The following CASK variants were observed in gnomAD, a reference collection of about 807,000 sequenced individuals.
CASK encodes calcium/calmodulin dependent serine protein kinase.
CASK carries 4 observed loss-of-function variants against 82.9 expected under a neutral mutation model. That is an observed-to-expected ratio of 0.05 (90% CI 0.02 to 0.11). The LOEUF (loss-of-function observed/expected upper bound fraction) is 0.11. Ranked by LOEUF, CASK falls within the 10% of genes least tolerant of loss-of-function variation. The pLI, the probability that CASK is intolerant of heterozygous loss-of-function variation, is 1.00. For synonymous variants in CASK, 259 were observed against 253.5 expected (o/e 1.02, Z -0.20); for missense variants, 358 against 720.9 (o/e 0.50, Z 5.76).
intron 1 of CASK, among the ~76,000 whole-genome samples, chrX:41,901,488 GAAA>G (rs777860030): frequency 1.2e-5 from 1 of 82,272 alleles, no homozygotes; most frequent in African/African-American, 4.5e-5. Context: ...CCCTGTCTCA[GAAA>G]AAAAAAAAAA....
chrX:41,855,907 T>C (rs1172319773), intron 1 of CASK, among the ~76,000 whole-genome samples: 12 of 112,525 alleles, frequency 1.1e-4, no homozygotes, highest in Non-Finnish European at 1.9e-5. Flanking sequence ...AACAAGGTTC[T>C]ACTTGAGGCA....
chrX:41,621,934 A>T (rs1389705601), intron 11 of CASK, among the ~76,000 whole-genome samples: 1 of 111,835 alleles, frequency 8.9e-6, no homozygotes, highest in Admixed American at 9.5e-5. Flanking sequence ...CCCATTGGTA[A>T]CATTTTACAA....
At chrX:41,658,936 A>G (rs1011596071) in intron 8 of CASK, among the ~76,000 whole-genome samples, 1 of 111,227 alleles carries the variant, frequency 9.0e-6, no homozygotes, top group Non-Finnish European at 1.9e-5. Context: ...AGTCTATACA[A>G]CTCTTTTCAG....
At chrX:41,711,977 T>A (rs1038738825) in intron 5 of CASK, among the ~76,000 whole-genome samples, 1 of 112,711 alleles carries the variant, frequency 8.9e-6, no homozygotes, top group Non-Finnish European at 1.9e-5. Context: ...GCTTGGGAAC[T>A]GCTGAACGCA....
chrX:41,637,646 T>C (rs1265203763), intron 8 of CASK, among the ~76,000 whole-genome samples: 1 of 107,133 alleles, frequency 9.3e-6, no homozygotes, highest in Non-Finnish European at 1.9e-5. Context: ...CCCCATTATT[T>C]ATTTATATAT....
chrX:41,838,113 A>C (rs2070961739), intron 2 of CASK, among the ~76,000 whole-genome samples: 1 of 111,902 alleles, frequency 8.9e-6, no homozygotes, highest in African/African-American at 3.3e-5. Flanking sequence ...TCAGCCTGTG[A>C]AAGTGGTGGA....
intron 3 of CASK, among the ~76,000 whole-genome samples, chrX:41,772,715 A>G (rs2069268354): frequency 9.0e-6 from 1 of 111,728 alleles, no homozygotes; most frequent in Non-Finnish European, 1.9e-5. Flanking sequence ...AGAGAACAAT[A>G]GAGGCCAGGT....
chrX:41,863,830 C>T (rs1272372092), intron 1 of CASK, among the ~76,000 whole-genome samples: 1 of 111,782 alleles, frequency 8.9e-6, no homozygotes. Flanking sequence ...GTGCATAATC[C>T]ACTCTTTGTA....
intron 2 of CASK, among the ~76,000 whole-genome samples, chrX:41,797,698 T>G (rs1441333542): frequency 1.8e-5 from 2 of 111,927 alleles, no homozygotes; most frequent in Admixed American, 9.5e-5. Context: ...AATGAGGCCC[T>G]AGTAAGACAT....
chrX:41,788,137 A>G (rs1355979738), intron 2 of CASK, among the ~76,000 whole-genome samples: 1 of 104,212 alleles, frequency 9.6e-6, no homozygotes, highest in Non-Finnish European at 2.0e-5. Flanking sequence ...AGCCTGGGCA[A>G]CAAAGAGTGA....
At chrX:41,669,620 C>T (rs2067168229) in intron 6 of CASK, among the ~76,000 whole-genome samples, 1 of 112,011 alleles carries the variant, frequency 8.9e-6, no homozygotes, top group South Asian at 3.7e-4. Context: ...GTTAGCTTAA[C>T]AGTGACATTT....
At chrX:41,595,019 C>CAT (rs1225129647) in intron 12 of CASK, among the ~76,000 whole-genome samples, 1 of 111,593 alleles carries the variant, frequency 9.0e-6, no homozygotes, top group Non-Finnish European at 1.9e-5. Flanking sequence ...AGGCTGAGTA[C>CAT]ATAGTAGTGT....
chrX:41,768,276 C>T (rs751829158), intron 3 of CASK, among the ~76,000 whole-genome samples: 3 of 110,737 alleles, frequency 2.7e-5, no homozygotes, highest in East Asian at 2.8e-4. Flanking sequence ...ATCATTTTTC[C>T]GAGGATCCCT....
In CASK at chrX:41,787,295, A is replaced by G. The variant is rs1460614741; in HGVS notation, c.173-12T>C. 5 of 984,353 alleles carry G rather than the reference A, an allele frequency of 5.1e-6. No homozygotes were observed. The East Asian group carries it at 1.2e-4, about 24-fold the overall frequency. 81.1% of individuals were successfully genotyped at this position (984,353 alleles called of 1,213,427 possible). On this transcript the variant is annotated splice_polypyrimidine_tract_variant and intron_variant, in intron 2 of 26. Coordinates refer to ENST00000378163, the MANE Select transcript of CASK (RefSeq NM_001367721.1). ...TTCCCGCTTTAGATCTGTAAAACAA[A>G]CATACAGCATACTTCATTAGGTAGG...
chrX:41,536,398 G>A (rs910195819), intron 22 of CASK, among the ~76,000 whole-genome samples: 1 of 111,037 alleles, frequency 9.0e-6, no homozygotes, highest in African/African-American at 3.3e-5. Context: ...GTGAGCCATC[G>A]TGCCCGGCCG....
At chrX:41,523,270 A>C (rs1308639400) in intron 26 of CASK, among the ~76,000 whole-genome samples, 1 of 112,386 alleles carries the variant, frequency 8.9e-6, no homozygotes, top group Admixed American at 9.4e-5. Flanking sequence ...AAAATCCTGA[A>C]TCTTCCTTAA....
At chrX:41,775,896 G>C (rs1347686881) in intron 3 of CASK, among the ~76,000 whole-genome samples, 1 of 67,969 alleles carries the variant, frequency 1.5e-5, no homozygotes, top group Non-Finnish European at 2.6e-5. Flanking sequence ...GGGGTGGGGG[G>C]AGGGGGGAGG....
intron 2 of CASK, among the ~76,000 whole-genome samples, chrX:41,796,133 G>A (rs952088630): frequency 8.9e-6 from 1 of 112,133 alleles, no homozygotes; most frequent in African/African-American, 3.2e-5. Context: ...AACACATTCT[G>A]CTGGCAGGCA....
At chrX:41,620,880 A>AG (rs1234703043) in intron 11 of CASK, among the ~76,000 whole-genome samples, 1 of 112,446 alleles carries the variant, frequency 8.9e-6, no homozygotes, top group Non-Finnish European at 1.9e-5. Flanking sequence ...AATTTATTAA[A>AG]GGAAGTAAAC....
Sources: gnomAD v4.1 joint callset for allele counts (sites outside exome capture counted in the v4.1 genomes callset) on GRCh38, gnomAD v4.1.1 for gene constraint, MANE v1.5 for transcripts, NCBI Gene and HGNC (gene_info 2026-07-23, HGNC 2026-07-21) for gene names.